Variants in GRM7 observed in about 807,000 individuals in gnomAD.
GRM7 encodes glutamate metabotropic receptor 7, also known as metabotropic glutamate receptor 7.
GRM7 carries 35 observed loss-of-function variants against 84.5 expected under a neutral mutation model. The ratio of observed to expected loss-of-function variants is 0.41; its 90% confidence interval spans 0.32 to 0.55. The LOEUF is 0.55. Ranked by LOEUF, GRM7 falls within the 20% of genes least tolerant of loss-of-function variation. The probability of loss-of-function intolerance (pLI) is 0.19; values close to 1 mark genes in which losing one functional copy is unlikely to be tolerated. For synonymous variants in GRM7, 487 were observed against 455.1 expected, an observed-to-expected ratio of 1.07 and a Z score of -0.89; for missense variants, 1,003 against 1,194.6, an observed-to-expected ratio of 0.84 and a Z score of 2.36.
intron 4 of GRM7, among the ~76,000 whole-genome samples, chr3:7,332,133 C>G (rs1234186568): frequency 1.3e-5 from 2 of 152,166 alleles, no homozygotes; most frequent in Admixed American, 6.6e-5. Context: ...CACACCTGAG[C>G]AGGATATTAA....
intron 1 of GRM7, among the ~76,000 whole-genome samples, chr3:7,129,663 G>A (rs905933512): frequency 3.9e-5 from 6 of 152,012 alleles, no homozygotes; most frequent in Non-Finnish European, 8.8e-5. Context: ...ATGAGTGCTG[G>A]AGCTTCAGCA....
At chr3:7,525,198 T>C (rs1040838000) in intron 7 of GRM7, among the ~76,000 whole-genome samples, 1 of 151,872 alleles carries the variant, frequency 6.6e-6, no homozygotes. Flanking sequence ...CACACCAGCA[T>C]GGCACATGTA....
chr3:7,300,533 C>A (rs67921811), intron 3 of GRM7, among the ~76,000 whole-genome samples: 67 of 151,958 alleles, frequency 4.4e-4, no homozygotes, highest in African/African-American at 1.5e-3. Context: ...CTTCGGAGTT[C>A]TTTTTCGGGA....
intron 4 of GRM7, among the ~76,000 whole-genome samples, chr3:7,351,295 C>A (rs956464230): frequency 8.0e-6 from 1 of 124,308 alleles, no homozygotes; most frequent in Non-Finnish European, 1.6e-5. Context: ...CACTTTCAGG[C>A]TGTTTTCTCC....
At chr3:7,117,439 C>G (rs1054485106) in intron 1 of GRM7, among the ~76,000 whole-genome samples, 4 of 152,176 alleles carry the variant, frequency 2.6e-5, no homozygotes, top group Non-Finnish European at 5.9e-5. Flanking sequence ...CCACGTGTAT[C>G]TCTGAAACTG....
At chr3:7,433,322 C>T (rs1310323052) in intron 5 of GRM7, among the ~76,000 whole-genome samples, 1 of 152,192 alleles carries the variant, frequency 6.6e-6, no homozygotes, top group African/African-American at 2.4e-5. Flanking sequence ...TTTACACTTC[C>T]ATTCCTTCCC....
chr3:7,562,348 T>C (rs190956559), intron 7 of GRM7, among the ~76,000 whole-genome samples: 1 of 148,750 alleles, frequency 6.7e-6, no homozygotes, highest in Non-Finnish European at 1.5e-5. Flanking sequence ...TTCCCCCTTA[T>C]ATTTTTTTAA....
At chr3:7,513,670 T>C (rs1700284436) in intron 7 of GRM7, among the ~76,000 whole-genome samples, 1 of 152,232 alleles carries the variant, frequency 6.6e-6, no homozygotes, top group Non-Finnish European at 1.5e-5. Context: ...ACTACCCTAA[T>C]TTGATCATTA....
intron 2 of GRM7, among the ~76,000 whole-genome samples, chr3:7,270,677 A>G (rs1338696188): frequency 4.6e-5 from 7 of 151,448 alleles, no homozygotes; most frequent in African/African-American, 1.7e-4. Flanking sequence ...AAACGCAGTT[A>G]CGGATGCTCG....
intron 9 of GRM7, chr3:7,686,379 G>A: frequency 6.7e-7 from 1 of 1,499,666 alleles, no homozygotes. Flanking sequence ...CAGTAAGAAA[G>A]AGTGTACAAA....
chr3:7,410,434 A>G (rs1003862533), intron 4 of GRM7, among the ~76,000 whole-genome samples: 3 of 152,044 alleles, frequency 2.0e-5, no homozygotes, highest in Non-Finnish European at 4.4e-5. Context: ...TTATCCAGGC[A>G]TGGTGGTGCC....
At position 7,731,221 on chromosome 3, in the gene GRM7, G is replaced by C. The variant is rs575093618; in HGVS notation, c.2699-9136G>C. On this transcript the variant is annotated intron_variant, in intron 9 of 9. Transcript: ENST00000357716. The stretch of plus-strand genomic sequence containing the variant: ...GGGGGAAAAAAAGAATGCTGTGGCT[G>C]AAAAGTTACAAAGGAAATCTGATGA... 3.3e-5 allele frequency among the ~76,000 whole-genome samples: 5 copies of C among 152,112 alleles called. No homozygotes were observed. In the South Asian group the frequency reaches 1.0e-3, roughly 32 times the overall value.
chr3:7,737,070 T>C (rs546142011), intron 9 of GRM7, among the ~76,000 whole-genome samples: 1 of 152,268 alleles, frequency 6.6e-6, no homozygotes, highest in South Asian at 2.1e-4. Flanking sequence ...TTACGCGTGT[T>C]CCATAGAATG....
intron 8 of GRM7, among the ~76,000 whole-genome samples, chr3:7,663,013 G>T (rs956714635): frequency 9.9e-5 from 15 of 152,158 alleles, no homozygotes; most frequent in South Asian, 2.1e-4. Flanking sequence ...GATCATTGAG[G>T]TAAGTGCTTG....
chr3:6,967,479 G>A (rs1053917672), intron 1 of GRM7, among the ~76,000 whole-genome samples: 3 of 152,178 alleles, frequency 2.0e-5, no homozygotes, highest in Non-Finnish European at 4.4e-5. Context: ...ACAGGCGTGA[G>A]CCACCACGCC....
At chr3:7,503,028 A>G (rs1699930195) in intron 7 of GRM7, among the ~76,000 whole-genome samples, 1 of 152,090 alleles carries the variant, frequency 6.6e-6, no homozygotes, top group Non-Finnish European at 1.5e-5. Context: ...TTATACATGT[A>G]ATTTGCTCTA....
At chr3:7,346,584 G>A (rs1692905373) in intron 4 of GRM7, among the ~76,000 whole-genome samples, 1 of 152,040 alleles carries the variant, frequency 6.6e-6, no homozygotes, top group Non-Finnish European at 1.5e-5. Context: ...GCAATGGTGT[G>A]GGAGAAATGA....
At chr3:7,297,932 T>G (rs181762130) in intron 2 of GRM7, among the ~76,000 whole-genome samples, 1 of 152,336 alleles carries the variant, frequency 6.6e-6, no homozygotes, top group Admixed American at 6.5e-5. Flanking sequence ...AGTAAACTGA[T>G]GCATGTTTCT....
At chr3:7,276,945 T>G (rs954640557) in intron 2 of GRM7, among the ~76,000 whole-genome samples, 53 of 152,020 alleles carry the variant, frequency 3.5e-4, no homozygotes, top group Admixed American at 1.6e-3. Context: ...GTTTTCCACC[T>G]TAGAGTCAGA....
Sources: allele counts gnomAD v4.1 joint callset (sites outside exome capture counted in the v4.1 genomes callset), GRCh38; gene constraint gnomAD v4.1.1; transcripts MANE v1.5; gene names NCBI Gene and HGNC (gene_info 2026-07-23, HGNC 2026-07-21).